Variants in MTUS2 observed in about 807,000 individuals in gnomAD.
MTUS2 encodes microtubule associated scaffold protein 2.
MTUS2 carries 40 observed loss-of-function variants against 114.1 expected under a neutral mutation model. That is an observed-to-expected ratio of 0.35 (90% CI 0.27 to 0.46). MTUS2 has a LOEUF of 0.46. Ranked by LOEUF, MTUS2 falls within the 20% of genes least tolerant of loss-of-function variation. The pLI is 1.00. For synonymous variants in MTUS2, 688 were observed against 672.0 expected (o/e 1.02, Z -0.37); for missense variants, 1,679 against 1,705.4 (o/e 0.98, Z 0.27).
At chr13:29,145,232 A>G (rs1892382261) in intron 5 of MTUS2, among the ~76,000 whole-genome samples, 1 of 152,346 alleles carries the variant, frequency 6.6e-6, no homozygotes, top group East Asian at 1.9e-4. Flanking sequence ...CCTAAAATTC[A>G]TAAATGAGTA....
At chr13:28,830,600 C>G (rs1874600989) in intron 1 of MTUS2, among the ~76,000 whole-genome samples, 1 of 151,860 alleles carries the variant, frequency 6.6e-6, no homozygotes, top group Non-Finnish European at 1.5e-5. Flanking sequence ...AAATTATATA[C>G]TATGAGGAAC....
At chr13:29,315,477 AT>A (rs1489564816) in intron 6 of MTUS2, among the ~76,000 whole-genome samples, 1 of 152,212 alleles carries the variant, frequency 6.6e-6, no homozygotes, top group Non-Finnish European at 1.5e-5. Context: ...AATAAAAATC[AT>A]TTTTTAAAAG....
At position 29,458,916 on chromosome 13, in the gene MTUS2, C is replaced by G. The variant is rs188385174; in HGVS notation, c.3184+18867C>G. Among the ~76,000 whole-genome samples the G allele has an allele frequency of 2.9e-3, 436 of 152,366 alleles. 5 individuals are homozygous for G. The highest frequency in any genetic ancestry group is 0.01 in the African/African-American group (417 of 41,588). On this transcript the variant is annotated intron_variant, in intron 9 of 15. Transcript: ENST00000612955. ...GAGAGGCCTATGGGTGGCCGTGCTT[C>G]TCTGCTCCACAACGGCATCAGGGAC... is the stretch of plus-strand genomic sequence containing the variant.
chr13:29,398,713 A>G (rs1874101314), intron 8 of MTUS2, among the ~76,000 whole-genome samples: 1 of 152,198 alleles, frequency 6.6e-6, no homozygotes, highest in Admixed American at 6.5e-5. Context: ...TTTCCCACAC[A>G]TAAAGTGCTG....
chr13:28,868,283 C>T (rs1321223839), intron 2 of MTUS2, among the ~76,000 whole-genome samples: 4 of 152,172 alleles, frequency 2.6e-5, no homozygotes. Context: ...CCATCTGTTT[C>T]TTGCCTTGGA....
chr13:29,323,151 G>GTTTCTAC (rs1900322708), intron 6 of MTUS2, among the ~76,000 whole-genome samples: 1 of 152,152 alleles, frequency 6.6e-6, no homozygotes, highest in South Asian at 2.1e-4. Flanking sequence ...AAAGAAACAA[G>GTTTCTAC]TAGAAGCTAT....
chr13:29,068,428 G>C (rs1312230431), intron 4 of MTUS2, among the ~76,000 whole-genome samples: 3 of 149,256 alleles, frequency 2.0e-5, no homozygotes, highest in Non-Finnish European at 4.4e-5. Context: ...TGAAGCACAG[G>C]TGTAATAAAT....
At chr13:29,052,732 T>C (rs1439742359) in intron 4 of MTUS2, among the ~76,000 whole-genome samples, 1 of 152,218 alleles carries the variant, frequency 6.6e-6, no homozygotes, top group Admixed American at 6.5e-5. Flanking sequence ...GCTAAACTTG[T>C]ATACAGAATT....
chr13:29,218,276 A>G (rs1895763918), intron 5 of MTUS2, among the ~76,000 whole-genome samples: 1 of 73,324 alleles, frequency 1.4e-5, no homozygotes, highest in African/African-American at 4.1e-5. Context: ...ATGTTGTATC[A>G]TAAAATTGCA....
At chr13:28,895,372 G>A (rs973807656) in intron 2 of MTUS2, among the ~76,000 whole-genome samples, 2 of 152,192 alleles carry the variant, frequency 1.3e-5, no homozygotes, top group African/African-American at 4.8e-5. Flanking sequence ...AACTGTGCTT[G>A]TGATGGACTT....
chr13:28,901,542 A>C (rs896557499), intron 2 of MTUS2, among the ~76,000 whole-genome samples: 8 of 152,178 alleles, frequency 5.3e-5, no homozygotes, highest in Non-Finnish European at 8.8e-5. Flanking sequence ...TTGCAATAGG[A>C]TATAAGGCTT....
At chr13:28,953,400 T>C (rs1005179138) in intron 2 of MTUS2, among the ~76,000 whole-genome samples, 1 of 152,120 alleles carries the variant, frequency 6.6e-6, no homozygotes, top group South Asian at 2.1e-4. Context: ...TCCCAGCTAC[T>C]TGGGAGACTG....
chr13:29,234,832 C>T (rs1025174332), intron 5 of MTUS2, among the ~76,000 whole-genome samples: 1 of 151,968 alleles, frequency 6.6e-6, no homozygotes, highest in African/African-American at 2.4e-5. Context: ...TTTTCAAGGC[C>T]ACTTCCCCAA....
rs372464659 is a variant in MTUS2, at chr13:28,927,901, C to G, written c.-243+88051C>G. On this transcript the variant is annotated intron_variant, in intron 2 of 15. Transcript: ENST00000612955. ...CTACAGTAACCAAATCAGCATGGTA[C>G]TGGCATAAAAACAGACACATAGACC... 2.0e-5 allele frequency among the ~76,000 whole-genome samples: 3 copies of G among 152,150 alleles called. No homozygotes were observed. In the East Asian group the frequency reaches 5.8e-4, roughly 29 times the overall value.
chr13:29,051,628 A>T (rs1029789377), intron 4 of MTUS2, among the ~76,000 whole-genome samples: 1 of 152,218 alleles, frequency 6.6e-6, no homozygotes, highest in East Asian at 1.9e-4. Context: ...CCAGAAGAAT[A>T]TGGTGTCCCG....
At chr13:29,358,803 C>A (rs1869971568) in intron 7 of MTUS2, among the ~76,000 whole-genome samples, 1 of 152,110 alleles carries the variant, frequency 6.6e-6, no homozygotes, top group Admixed American at 6.5e-5. Flanking sequence ...AGAAAAGGGT[C>A]ACTAGAGCAG....
chr13:29,002,852 T>G (rs1369192542), intron 2 of MTUS2, among the ~76,000 whole-genome samples: 1 of 152,222 alleles, frequency 6.6e-6, no homozygotes, highest in East Asian at 1.9e-4. Flanking sequence ...TTAAATATGC[T>G]TCAGTTGCTA....
At chr13:29,219,510 A>G (rs1895822053) in intron 5 of MTUS2, among the ~76,000 whole-genome samples, 1 of 152,130 alleles carries the variant, frequency 6.6e-6, no homozygotes, top group South Asian at 2.1e-4. Flanking sequence ...GCTGGGTCAA[A>G]TGGTATTTCT....
intron 5 of MTUS2, among the ~76,000 whole-genome samples, chr13:29,114,880 T>C (rs970266833): frequency 2.6e-5 from 4 of 152,194 alleles, no homozygotes; most frequent in African/African-American, 9.6e-5. Flanking sequence ...GAAATACTGT[T>C]TAAACAGAAA....
Sources: allele counts gnomAD v4.1 joint callset (sites outside exome capture counted in the v4.1 genomes callset), GRCh38; gene constraint gnomAD v4.1.1; transcripts MANE v1.5; gene names NCBI Gene and HGNC (gene_info 2026-07-23, HGNC 2026-07-21).